The following SORCS1 variants were observed in gnomAD, a reference collection of about 807,000 sequenced individuals.
SORCS1 encodes VPS10 domain-containing receptor SorCS1.
A neutral mutation model predicts 146.1 loss-of-function variants in SORCS1; 60 were observed. The ratio of observed to expected loss-of-function variants is 0.41; its 90% CI spans 0.33 to 0.51. SORCS1 has a LOEUF of 0.51. Among genes scored for constraint, SORCS1 ranks in the 20% least tolerant of loss-of-function variants. SORCS1 has a pLI of 0.21. For synonymous variants in SORCS1, 637 were observed against 584.0 expected, an observed-to-expected ratio of 1.09 and a Z score of -1.31; for missense variants, 1,352 against 1,487.6, an observed-to-expected ratio of 0.91 and a Z score of 1.50.
At chr10:106,638,591 G>A (rs188284667) in intron 18 of SORCS1, among the ~76,000 whole-genome samples, 1 of 152,112 alleles carries the variant, frequency 6.6e-6, no homozygotes, top group Non-Finnish European at 1.5e-5. Flanking sequence ...TTAGCATTAT[G>A]CAGTCAATAT....
At chr10:106,718,765 C>A (rs562707197) in intron 6 of SORCS1, among the ~76,000 whole-genome samples, 1 of 151,998 alleles carries the variant, frequency 6.6e-6, no homozygotes, top group African/African-American at 2.4e-5. Flanking sequence ...CACTTACAAA[C>A]CTTTGGCTAG....
intron 1 of SORCS1, among the ~76,000 whole-genome samples, chr10:106,995,532 GA>G (rs565580339): frequency 6.6e-6 from 1 of 152,064 alleles, no homozygotes; most frequent in African/African-American, 2.4e-5. Flanking sequence ...AAGGTATGGG[GA>G]AAAAAACGTC....
Position 106,723,815 on chromosome 10 carries a change from G to A in SORCS1, c.1024+6235C>T, listed in dbSNP as rs151059560. Among the ~76,000 whole-genome samples the A allele has an allele frequency of 3.0e-3, 451 of 152,198 alleles. 1 individual carries two copies. The highest frequency in any genetic ancestry group is 4.5e-3 in the Non-Finnish European group (304 of 68,032). On this transcript the variant is annotated intron_variant, in intron 6 of 25. Transcript: ENST00000263054. ...TTGGGAGCAAAGGTTCAGAATCTGT[G>A]CCATGGACCCCATCAGCAATCTGAG... is the stretch of plus-strand genomic sequence containing the variant.
intron 1 of SORCS1, among the ~76,000 whole-genome samples, chr10:107,055,600 C>T (rs1209570452): frequency 2.6e-5 from 4 of 152,180 alleles, no homozygotes; most frequent in Admixed American, 2.6e-4. Context: ...GGTGATAGAA[C>T]TCATCCATTA....
chr10:107,033,293 C>G (rs917261329), intron 1 of SORCS1, among the ~76,000 whole-genome samples: 4 of 152,022 alleles, frequency 2.6e-5, no homozygotes, highest in Admixed American at 6.5e-5. Flanking sequence ...CAATCACCTC[C>G]CATCAGGCCC....
intron 2 of SORCS1, among the ~76,000 whole-genome samples, chr10:106,916,305 T>C (rs545793411): frequency 6.6e-6 from 1 of 152,122 alleles, no homozygotes; most frequent in South Asian, 2.1e-4. Context: ...TCAAACTATT[T>C]ATTTAATGAA....
chr10:106,710,913 A>T (rs982833302), intron 6 of SORCS1, among the ~76,000 whole-genome samples: 6 of 152,220 alleles, frequency 3.9e-5, no homozygotes, highest in Non-Finnish European at 8.8e-5. Flanking sequence ...CTGTTCTCAA[A>T]GCACGTTCTA....
At chr10:106,611,458 C>T (rs1331190530) in intron 22 of SORCS1, among the ~76,000 whole-genome samples, 5 of 152,178 alleles carry the variant, frequency 3.3e-5, no homozygotes, top group Non-Finnish European at 5.9e-5. Flanking sequence ...GCTCACTGCA[C>T]TGTTATGCTC....
At chr10:106,785,310 A>G (rs990724105) in intron 3 of SORCS1, among the ~76,000 whole-genome samples, 1 of 152,158 alleles carries the variant, frequency 6.6e-6, no homozygotes, top group African/African-American at 2.4e-5. Flanking sequence ...CTGAGGGCCC[A>G]TTTGTCTTTC....
chr10:107,108,595 A>G (rs1266675102), intron 1 of SORCS1, among the ~76,000 whole-genome samples: 1 of 152,128 alleles, frequency 6.6e-6, no homozygotes, highest in African/African-American at 2.4e-5. Flanking sequence ...TGGGGATTAC[A>G]ATTCAACATG....
At chr10:106,792,814 T>A (rs1422891416) in intron 3 of SORCS1, among the ~76,000 whole-genome samples, 1 of 152,202 alleles carries the variant, frequency 6.6e-6, no homozygotes, top group African/African-American at 2.4e-5. Flanking sequence ...TAAAATATTT[T>A]AATGAATATA....
At position 107,022,031 on chromosome 10, in the gene SORCS1, CA is replaced by C. The variant is rs1217975432; in HGVS notation, c.559-65452del. On this transcript the variant is annotated intron_variant, in intron 1 of 25. Coordinates refer to ENST00000263054, the MANE Select transcript of SORCS1 (RefSeq NM_052918.5). ...CTGATCTCCAATATTGAGCAATTAA[CA>C]TTTGAGTTATCTTTCCATGAGAAGT... 2.6e-5 allele frequency among the ~76,000 whole-genome samples: 4 copies of C among 152,284 alleles called. No individual in the cohort carries two copies. The South Asian group carries it at 8.3e-4, about 32-fold the overall frequency.
intron 1 of SORCS1, among the ~76,000 whole-genome samples, chr10:107,116,969 T>C (rs1373684652): frequency 6.6e-6 from 1 of 152,088 alleles, no homozygotes; most frequent in Admixed American, 6.5e-5. Context: ...ACCAATACAC[T>C]AAAGAGTAAC....
chr10:106,606,286 C>T (rs61867033), intron 23 of SORCS1, among the ~76,000 whole-genome samples: 9 of 33,220 alleles, frequency 2.7e-4, no homozygotes, highest in African/African-American at 4.0e-4. Context: ...CACACACACA[C>T]ACACACACAC....
At chr10:106,760,615 T>C (rs1859021175) in intron 5 of SORCS1, among the ~76,000 whole-genome samples, 1 of 151,676 alleles carries the variant, frequency 6.6e-6, no homozygotes, top group South Asian at 2.1e-4. Flanking sequence ...CAACGAAGAA[T>C]AAATATCCGT....
intron 8 of SORCS1, among the ~76,000 whole-genome samples, chr10:106,703,773 A>G (rs1451952905): frequency 6.6e-6 from 1 of 152,236 alleles, no homozygotes; most frequent in Non-Finnish European, 1.5e-5. Flanking sequence ...GTTGCAGATC[A>G]TTCCACCCAA....
At chr10:106,843,326 A>G (rs1238270115) in intron 2 of SORCS1, among the ~76,000 whole-genome samples, 1 of 151,792 alleles carries the variant, frequency 6.6e-6, no homozygotes, top group Admixed American at 6.6e-5. Context: ...TAGATTCCAC[A>G]TGTAAGTGAG....
intron 3 of SORCS1, among the ~76,000 whole-genome samples, chr10:106,827,043 GTAT>G (rs143820441): frequency 0.038 from 5,845 of 152,160 alleles, 285 homozygotes; most frequent in East Asian, 0.23. Context: ...GCTCTTTGCT[GTAT>G]TATTACCTCT....
chr10:106,904,466 T>G (rs569997240), intron 2 of SORCS1, among the ~76,000 whole-genome samples: 1 of 152,142 alleles, frequency 6.6e-6, no homozygotes, highest in South Asian at 2.1e-4. Flanking sequence ...GGGCATCTAC[T>G]GATGGGGAAA....
Sources: gnomAD v4.1 joint callset for allele counts (sites outside exome capture counted in the v4.1 genomes callset) on GRCh38, gnomAD v4.1.1 for gene constraint, MANE v1.5 for transcripts, NCBI Gene and HGNC (gene_info 2026-07-23, HGNC 2026-07-21) for gene names.